The following DDX10 variants were observed in gnomAD, a reference collection of about 807,000 sequenced individuals.
The protein encoded by DDX10 is DEAD-box helicase 10, also known as probable ATP-dependent RNA helicase DDX10.
DDX10 carries 74 observed loss-of-function variants against 104.3 expected under a neutral mutation model. The ratio of observed to expected loss-of-function variants is 0.71; its 90% confidence interval spans 0.59 to 0.86. The LOEUF (loss-of-function observed/expected upper bound fraction) is 0.86. Ranked by LOEUF, DDX10 falls within the 40% of genes least tolerant of loss-of-function variation. The probability of loss-of-function intolerance (pLI) is 0.00; values close to 1 mark genes in which losing one functional copy is unlikely to be tolerated. For missense variants in DDX10, 952 were observed against 1,040.0 expected (o/e 0.92, Z 1.16); for synonymous variants, 351 against 353.4 (o/e 0.99, Z 0.08).
intron 13 of DDX10, among the ~76,000 whole-genome samples, chr11:108,732,961 G>A (rs955294271): frequency 2.0e-5 from 3 of 152,120 alleles, no homozygotes; most frequent in African/African-American, 7.2e-5. Context: ...AGACTGGGTA[G>A]ATTCCATTTT....
In DDX10 at chr11:108,903,852, TCTGA is replaced by T. The variant is rs1162542766; in HGVS notation, c.2305-14017_2305-14014del. ...TAGGACATTTATGTTGTTTCCACTT[TCTGA>T]CTGTTATAAATAATGCTGCTATGAA... On this transcript the variant is annotated intron_variant, in intron 16 of 17. Transcript: ENST00000322536. Among the ~76,000 whole-genome samples, 3 of 152,202 alleles carry T rather than the reference TCTGA, an allele frequency of 2.0e-5. No homozygotes were observed. In the South Asian group the frequency reaches 6.2e-4, roughly 31 times the overall value.
At chr11:108,695,074 A>G (rs989155157) in intron 9 of DDX10, among the ~76,000 whole-genome samples, 4 of 152,212 alleles carry the variant, frequency 2.6e-5, no homozygotes, top group Admixed American at 1.3e-4. Flanking sequence ...TCTGGATAGC[A>G]TATGGTAATA....
At chr11:108,681,738 C>T (rs927400769) in intron 6 of DDX10, among the ~76,000 whole-genome samples, 3 of 152,054 alleles carry the variant, frequency 2.0e-5, no homozygotes, top group African/African-American at 7.2e-5. Context: ...GAGAATATGC[C>T]TTTGGGCCAT....
At chr11:108,759,743 C>T (rs1033625940) in intron 13 of DDX10, among the ~76,000 whole-genome samples, 4 of 151,812 alleles carry the variant, frequency 2.6e-5, no homozygotes, top group African/African-American at 4.8e-5. Context: ...TAATATCTCA[C>T]GACTAGATTT....
At chr11:108,859,609 T>G (rs1862914040) in intron 16 of DDX10, among the ~76,000 whole-genome samples, 1 of 152,252 alleles carries the variant, frequency 6.6e-6, no homozygotes, top group Non-Finnish European at 1.5e-5. Context: ...CCCTTTATAC[T>G]TCATCATGGT....
chr11:108,895,724 A>G (rs1257575878), intron 16 of DDX10, among the ~76,000 whole-genome samples: 1 of 152,112 alleles, frequency 6.6e-6, no homozygotes, highest in Non-Finnish European at 1.5e-5. Context: ...ATACAGAGCT[A>G]GTAGCAGAGG....
intron 13 of DDX10, among the ~76,000 whole-genome samples, chr11:108,805,319 C>G (rs1202330033): frequency 4.6e-5 from 7 of 152,222 alleles, no homozygotes; most frequent in African/African-American, 1.7e-4. Context: ...AGCCTCCACA[C>G]TGGAAGCCAG....
intron 13 of DDX10, among the ~76,000 whole-genome samples, chr11:108,725,785 A>T (rs2094304676): frequency 6.6e-6 from 1 of 152,008 alleles, no homozygotes; most frequent in Non-Finnish European, 1.5e-5. Flanking sequence ...GGTATCTTAA[A>T]TTTTGAAGTC....
intron 13 of DDX10, among the ~76,000 whole-genome samples, chr11:108,823,418 A>G (rs1862352453): frequency 6.6e-6 from 1 of 152,212 alleles, no homozygotes; most frequent in Admixed American, 6.5e-5. Context: ...GGATTTAATA[A>G]TGTAAGCCAT....
At chr11:108,909,164 G>T (rs533670877) in intron 16 of DDX10, among the ~76,000 whole-genome samples, 1 of 152,356 alleles carries the variant, frequency 6.6e-6, no homozygotes, top group Non-Finnish European at 1.5e-5. Context: ...TGATTAGAGG[G>T]TGGAGCTTTT....
At chr11:108,710,629 G>A (rs2094283107) in intron 10 of DDX10, among the ~76,000 whole-genome samples, 1 of 152,058 alleles carries the variant, frequency 6.6e-6, no homozygotes, top group Admixed American at 6.5e-5. Flanking sequence ...CTGCCTGAGG[G>A]TGTTTTTATA....
At chr11:108,909,132 G>C (rs1863634337) in intron 16 of DDX10, among the ~76,000 whole-genome samples, 2 of 152,182 alleles carry the variant, frequency 1.3e-5, no homozygotes, top group Non-Finnish European at 2.9e-5. Context: ...GTAGAGGCTG[G>C]TTACCAGAAA....
intron 10 of DDX10, among the ~76,000 whole-genome samples, chr11:108,714,143 G>T (rs139330407): frequency 1.2e-3 from 187 of 152,336 alleles, no homozygotes; most frequent in Non-Finnish European, 2.2e-3. Context: ...TTTACTGTGA[G>T]AACTTGGTTG....
chr11:108,800,579 C>T (rs938616238), intron 13 of DDX10, among the ~76,000 whole-genome samples: 1 of 151,946 alleles, frequency 6.6e-6, no homozygotes, highest in East Asian at 1.9e-4. Context: ...AGTTAAAGCT[C>T]CTAATGACAA....
At chr11:108,907,764 G>T (rs1359196220) in intron 16 of DDX10, among the ~76,000 whole-genome samples, 1 of 152,156 alleles carries the variant, frequency 6.6e-6, no homozygotes, top group African/African-American at 2.4e-5. Flanking sequence ...ATATATTAGA[G>T]ATGCACCAAA....
At chr11:108,789,252 C>G (rs1048177158) in intron 13 of DDX10, among the ~76,000 whole-genome samples, 1 of 152,200 alleles carries the variant, frequency 6.6e-6, no homozygotes, top group African/African-American at 2.4e-5. Context: ...GGATTGGTGG[C>G]AGTGGCTTTT....
At chr11:108,750,979 A>C (rs2094338009) in intron 13 of DDX10, among the ~76,000 whole-genome samples, 2 of 88,798 alleles carry the variant, frequency 2.3e-5, no homozygotes, top group African/African-American at 8.7e-5. Context: ...ATGGGCTTTC[A>C]CTATGTTGCC....
At chr11:108,870,561 T>G (rs902230039) in intron 16 of DDX10, among the ~76,000 whole-genome samples, 1 of 152,202 alleles carries the variant, frequency 6.6e-6, no homozygotes, top group African/African-American at 2.4e-5. Context: ...GCTCTTGGTA[T>G]CACCACATAG....
chr11:108,803,976 C>T (rs1862061627), intron 13 of DDX10, among the ~76,000 whole-genome samples: 1 of 152,164 alleles, frequency 6.6e-6, no homozygotes, highest in Admixed American at 6.5e-5. Context: ...TAAGGCACTG[C>T]TGATTAGGCC....
Sources: gnomAD v4.1 joint callset for allele counts (sites outside exome capture counted in the v4.1 genomes callset) on GRCh38, gnomAD v4.1.1 for gene constraint, MANE v1.5 for transcripts, NCBI Gene and HGNC (gene_info 2026-07-23, HGNC 2026-07-21) for gene names.